The following SMG6 variants were observed in gnomAD, a reference collection of about 807,000 sequenced individuals.
SMG6 encodes SMG6 nonsense mediated mRNA decay factor, also known as telomerase-binding protein EST1A.
SMG6 carries 66 observed loss-of-function variants against 142.2 expected under a neutral mutation model. The observed-to-expected ratio is 0.46, with a 90% CI of 0.38 to 0.57. The LOEUF (loss-of-function observed/expected upper bound fraction) is 0.57. SMG6 is among the 20% of genes least tolerant of loss of function. The pLI is 0.00. For synonymous variants in SMG6, 779 were observed against 702.4 expected (o/e 1.11, Z -1.72); for missense variants, 1,793 against 1,832.0 (o/e 0.98, Z 0.39).
At chr17:2,117,729 C>CA (rs2069551245) in intron 13 of SMG6, 1 of 152,048 alleles carries the variant, frequency 6.6e-6, no homozygotes, top group South Asian at 2.1e-4. Flanking sequence ...AACTTACTCC[C>CA]ATAAGGATTC....
intron 8 of SMG6, among the ~76,000 whole-genome samples, chr17:2,274,890 G>C (rs2074613949): frequency 6.6e-6 from 1 of 152,044 alleles, no homozygotes. Context: ...GGAAGGCTGA[G>C]GTGGGAGGAC....
In SMG6 at chr17:2,199,130, T is replaced by C. The variant is rs141744221; in HGVS notation, c.2870-10615A>G. 4.9e-4 allele frequency among the ~76,000 whole-genome samples: 74 copies of C among 152,138 alleles called. 1 individual carries two copies. The East Asian group carries it at 7.7e-3, about 16-fold the overall frequency. ...AAGTGAAGAAAGATGACGAATGAAT[T>C]GCAGAAACTGAGCGAGCAGTTAAAA... On this transcript the variant is annotated intron_variant, in intron 10 of 18. Transcript: ENST00000263073.
chr17:2,139,018 C>T (rs2070389958), intron 13 of SMG6, among the ~76,000 whole-genome samples: 1 of 152,120 alleles, frequency 6.6e-6, no homozygotes, highest in Admixed American at 6.6e-5. Context: ...GTGGCACTGC[C>T]TGAAGTTATG....
intron 13 of SMG6, among the ~76,000 whole-genome samples, chr17:2,108,063 G>A (rs1034305476): frequency 4.0e-5 from 6 of 151,260 alleles, no homozygotes; most frequent in Non-Finnish European, 8.9e-5. Context: ...AAATCTAACA[G>A]GTTTTTTTTT....
At chr17:2,261,498 T>C (rs1324507306) in intron 8 of SMG6, among the ~76,000 whole-genome samples, 1 of 152,204 alleles carries the variant, frequency 6.6e-6, no homozygotes, top group Non-Finnish European at 1.5e-5. Context: ...TGCCACAACT[T>C]TTTCTACTAG....
chr17:2,087,682 A>T (rs914286854), intron 13 of SMG6: 13 of 988,760 alleles, frequency 1.3e-5, no homozygotes, highest in South Asian at 9.1e-5. Flanking sequence ...CATTGCGTGT[A>T]TTCAAACATG....
At chr17:2,244,076 T>G (rs1337642350) in intron 9 of SMG6, among the ~76,000 whole-genome samples, 1 of 152,152 alleles carries the variant, frequency 6.6e-6, no homozygotes, top group African/African-American at 2.4e-5. Flanking sequence ...ATTTAAGCAG[T>G]CAAGTGTTAG....
At position 2,093,230 on chromosome 17, in the gene SMG6, A is replaced by G. The variant is rs186925607; in HGVS notation, c.3358-7329T>C. 5.7e-4 allele frequency among the ~76,000 whole-genome samples: 86 copies of G among 151,734 alleles called. 1 individual carries two copies. The highest frequency in any genetic ancestry group is 3.4e-4 in the Non-Finnish European group (23 of 67,852). On this transcript the variant is annotated intron_variant, in intron 13 of 18. Coordinates refer to ENST00000263073, the MANE Select transcript of SMG6 (RefSeq NM_017575.5). ...AAAAGATAAGACAAGCCTGGGCAAC[A>G]TAGTGAGACTGTGTCTGTCAAAAAC...
intron 13 of SMG6, among the ~76,000 whole-genome samples, chr17:2,125,769 A>G (rs977537562): frequency 6.6e-6 from 1 of 152,184 alleles, no homozygotes; most frequent in African/African-American, 2.4e-5. Flanking sequence ...CCTGGTCAAC[A>G]TGGCAAAACA....
intron 13 of SMG6, among the ~76,000 whole-genome samples, chr17:2,161,718 T>TAAA (rs112428763): frequency 1.8e-4 from 25 of 142,598 alleles, no homozygotes; most frequent in African/African-American, 5.6e-4. Flanking sequence ...AGGATTTGTC[T>TAAA]AAAAAAAAAA....
At chr17:2,218,213 TTC>T (rs905751043) in intron 10 of SMG6, among the ~76,000 whole-genome samples, 4 of 151,984 alleles carry the variant, frequency 2.6e-5, no homozygotes, top group African/African-American at 9.7e-5. Flanking sequence ...TCCCATAACA[TTC>T]TGTTATGGTG....
At position 2,085,716 on chromosome 17, in the gene SMG6, G is replaced by A. The variant is rs748759700; in HGVS notation, c.3534+9C>T. 7 of 1,610,308 alleles carry A rather than the reference G, an allele frequency of 4.3e-6. No individual in the cohort carries two copies. The highest frequency in any genetic ancestry group is 1.7e-5 in the Admixed American group (1 of 59,212). On this transcript the variant is annotated intron_variant, in intron 14 of 18. Coordinates refer to ENST00000263073, the MANE Select transcript of SMG6 (RefSeq NM_017575.5). This position sits in a 1 kb window ranked among gnomAD's most constrained non-coding sequence, Gnocchi z 4.1. ...CCCTCTGCCACAGCGGGCTCTTCCCGCATAGTACCTCATCTTCCAGTCGTG... is the reference window on the plus strand; with the variant it reads ...CCCTCTGCCACAGCGGGCTCTTCCCACATAGTACCTCATCTTCCAGTCGTG...
chr17:2,068,665 A>G lies in SMG6; in HGVS notation c.3835+113T>C, dbSNP rs2068013330. On this transcript the variant is annotated intron_variant, in intron 16 of 18. Coordinates refer to ENST00000263073, the MANE Select transcript of SMG6 (RefSeq NM_017575.5). This position sits in a 1 kb window ranked among gnomAD's most constrained non-coding sequence, Gnocchi z 6.7. ...CGTTCCCTACTCCCCTGCAAATCCC[A>G]TCTTACACACGCACAGCAGGGCTCT... 8.9e-7 allele frequency: 1 copy of G among 1,122,218 alleles called. No homozygotes were observed. Among genetic ancestry groups the G allele is most frequent in the African/African-American group, 1.6e-5 (1 of 64,260 alleles). 69.5% of individuals were successfully genotyped at this position (1,122,218 alleles called of 1,614,324 possible).
At chr17:2,063,192 G>A (rs1442730922) in intron 18 of SMG6, 1 of 152,244 alleles carries the variant, frequency 6.6e-6, no homozygotes, top group Non-Finnish European at 1.5e-5. Context: ...GTCTGCAGGG[G>A]TTTCTGTGGA....
At chr17:2,222,818 G>A (rs1030270396) in intron 10 of SMG6, among the ~76,000 whole-genome samples, 2 of 152,158 alleles carry the variant, frequency 1.3e-5, no homozygotes, top group Non-Finnish European at 2.9e-5. Flanking sequence ...TGCAAACACA[G>A]GTTTTCTCTT....
At position 2,080,860 on chromosome 17, in the gene SMG6, C is replaced by A. The variant is rs534247791; in HGVS notation, c.3681+950G>T. The stretch of plus-strand genomic sequence containing the variant: ...CCATGTTAGCCAGGATGGTCTCAAT[C>A]TCCTGACCTCATGATCCGCCCGCCT... On this transcript the variant is annotated intron_variant, in intron 15 of 18. Transcript: ENST00000263073. Among the ~76,000 whole-genome samples, 17 of 152,272 alleles carry A rather than the reference C, an allele frequency of 1.1e-4. No individual in the cohort carries two copies. The East Asian group carries it at 1.5e-3, about 14-fold the overall frequency.
chr17:2,097,580 C>T (rs73976200), intron 13 of SMG6, among the ~76,000 whole-genome samples: 33 of 152,276 alleles, frequency 2.2e-4, no homozygotes, highest in African/African-American at 7.5e-4. Context: ...GAAATGTTTA[C>T]ACCTTTTAAA....
At chr17:2,093,350 G>C (rs923421450) in intron 13 of SMG6, among the ~76,000 whole-genome samples, 10 of 152,108 alleles carry the variant, frequency 6.6e-5, no homozygotes, top group African/African-American at 2.4e-4. Flanking sequence ...TTGAGCCGGG[G>C]AAGTCAGAGC....
chr17:2,291,553 C>A (rs1389835913), intron 6 of SMG6, among the ~76,000 whole-genome samples: 2 of 152,012 alleles, frequency 1.3e-5, no homozygotes, highest in African/African-American at 2.4e-5. Context: ...AGAGATCAAC[C>A]AATTCTGAAA....
Sources: gnomAD v4.1 joint callset for allele counts (sites outside exome capture counted in the v4.1 genomes callset) on GRCh38, gnomAD v4.1.1 for gene constraint, Gnocchi (gnomAD v3.1) non-coding constraint, MANE v1.5 for transcripts, NCBI Gene and HGNC (gene_info 2026-07-23, HGNC 2026-07-21) for gene names.